LUZP2: variants seen among roughly 807,000 people sequenced by gnomAD.
The protein encoded by LUZP2 is leucine zipper protein 2.
Under a neutral mutation model 51.6 loss-of-function variants are expected in LUZP2, and 52 were observed. The observed-to-expected ratio is 1.01, with a 90% confidence interval of 0.81 to 1.27. The LOEUF is 1.27. Ranked by LOEUF, LUZP2 falls within the 50% of genes most tolerant of loss-of-function variation. The pLI, the probability that LUZP2 is intolerant of heterozygous loss-of-function variation, is 0.00. For missense variants in LUZP2, 436 were observed against 395.4 expected (o/e 1.10, Z -0.87); for synonymous variants, 154 against 137.3 (o/e 1.12, Z -0.85).
At chr11:24,631,845 A>G (rs1234091819) in intron 1 of LUZP2, among the ~76,000 whole-genome samples, 1 of 151,938 alleles carries the variant, frequency 6.6e-6, no homozygotes, top group Non-Finnish European at 1.5e-5. Flanking sequence ...ATATTTTATT[A>G]CTGATTCAAT....
intron 2 of LUZP2, among the ~76,000 whole-genome samples, chr11:24,730,622 A>G (rs906306344): frequency 2.7e-4 from 41 of 151,928 alleles, no homozygotes; most frequent in Non-Finnish European, 5.3e-4. Context: ...GGAAGAATAC[A>G]AAGAAACCTG....
At chr11:24,505,822 A>T (rs1406967029) in intron 1 of LUZP2, among the ~76,000 whole-genome samples, 1 of 151,614 alleles carries the variant, frequency 6.6e-6, no homozygotes, top group East Asian at 1.9e-4. Flanking sequence ...CTTTTAAGAG[A>T]AAAAAAAATA....
intron 9 of LUZP2, among the ~76,000 whole-genome samples, chr11:24,999,091 A>G (rs1201390882): frequency 1.3e-5 from 2 of 152,124 alleles, no homozygotes; most frequent in Admixed American, 6.6e-5. Flanking sequence ...ATCACATTTC[A>G]TTTAATGATG....
At position 24,727,785 on chromosome 11, in the gene LUZP2, C is replaced by T. The variant is rs746351571; in HGVS notation, c.63-1384C>T. On this transcript the variant is annotated intron_variant, in intron 1 of 11. Transcript: ENST00000336930. ...GAATATTGTGGTTCTTAGCAATGGGCCATTCCGATTTCCTTTTAATGAGAA... is the reference window on the plus strand; with the variant it reads ...GAATATTGTGGTTCTTAGCAATGGGTCATTCCGATTTCCTTTTAATGAGAA... Among the ~76,000 whole-genome samples the T allele has an allele frequency of 2.8e-4, 42 of 151,888 alleles. No individual in the cohort carries two copies. The Middle Eastern group carries it at 0.017, about 62-fold the overall frequency.
At chr11:24,936,437 T>C (rs1228860655) in intron 7 of LUZP2, among the ~76,000 whole-genome samples, 1 of 152,194 alleles carries the variant, frequency 6.6e-6, no homozygotes, top group Non-Finnish European at 1.5e-5. Flanking sequence ...GGCCGGCAAA[T>C]AGCTGCAATT....
intron 4 of LUZP2, among the ~76,000 whole-genome samples, chr11:24,748,231 T>A (rs1463483227): frequency 6.6e-6 from 1 of 152,076 alleles, no homozygotes; most frequent in Admixed American, 6.6e-5. Flanking sequence ...CCCACTGCTT[T>A]CTCTACCCCT....
chr11:24,796,553 A>G (rs1192296759), intron 5 of LUZP2, among the ~76,000 whole-genome samples: 3 of 145,584 alleles, frequency 2.1e-5, no homozygotes, highest in Non-Finnish European at 4.5e-5. Context: ...GGGATAGAGG[A>G]AAAAAAGAGC....
At chr11:24,843,057 A>G (rs1470522693) in intron 5 of LUZP2, among the ~76,000 whole-genome samples, 2 of 151,984 alleles carry the variant, frequency 1.3e-5, no homozygotes, top group African/African-American at 4.8e-5. Flanking sequence ...AGAGGATGTA[A>G]GTGCAAATGC....
intron 6 of LUZP2, among the ~76,000 whole-genome samples, chr11:24,909,281 G>C (rs542113202): frequency 6.6e-6 from 1 of 152,040 alleles, no homozygotes; most frequent in East Asian, 1.9e-4. Context: ...TCCAAGTTAT[G>C]TGGAAAATTT....
At chr11:24,743,605 T>G (rs1469122886) in intron 4 of LUZP2, among the ~76,000 whole-genome samples, 1 of 152,062 alleles carries the variant, frequency 6.6e-6, no homozygotes, top group Non-Finnish European at 1.5e-5. Context: ...TCTTTAGGGT[T>G]TTCAAGGTAA....
intron 2 of LUZP2, among the ~76,000 whole-genome samples, chr11:24,730,983 A>T (rs1221947763): frequency 6.6e-6 from 1 of 151,416 alleles, no homozygotes; most frequent in African/African-American, 2.4e-5. Context: ...GTGAATGATT[A>T]TTTTTTTTAC....
intron 1 of LUZP2, among the ~76,000 whole-genome samples, chr11:24,678,471 C>T (rs1219780209): frequency 1.3e-5 from 2 of 151,794 alleles, no homozygotes; most frequent in Non-Finnish European, 2.9e-5. Context: ...TTATAAGTGT[C>T]CTAAATCAAA....
rs74965171 is a variant in LUZP2, at chr11:25,045,468, A to G, written c.766-4570A>G. ...CTTAATAGTGAATGAAGCCCCTTTT[A>G]TCTTCCATCTAAAATGTCAAAGTCC... On this transcript the variant is annotated intron_variant, in intron 9 of 11. Coordinates refer to ENST00000336930, the MANE Select transcript of LUZP2 (RefSeq NM_001009909.4). Among the ~76,000 whole-genome samples the G allele has an allele frequency of 7.9e-4, 120 of 151,862 alleles. No individual in the cohort carries two copies. In the East Asian group the frequency reaches 0.019, roughly 25 times the overall value.
rs577584906 is a variant in LUZP2 at position 24,942,271 on chromosome 11, T to C, written c.522+27733T>C. On this transcript the variant is annotated intron_variant, in intron 7 of 11. Coordinates refer to ENST00000336930, the MANE Select transcript of LUZP2 (RefSeq NM_001009909.4). ...AGGGCATATGTTATTTTTTAAATTG[T>C]ATAAAAAATTGCCAATTATCCTCTA... Among the ~76,000 whole-genome samples, 110 of 152,164 alleles carry C rather than the reference T, an allele frequency of 7.2e-4. 1 individual carries two copies. Among genetic ancestry groups the C allele is most frequent in the Non-Finnish European group, 1.4e-3 (95 of 68,022 alleles).
chr11:24,656,782 C>T lies in LUZP2; in HGVS notation c.63-72387C>T, dbSNP rs181496780. 6.2e-4 allele frequency among the ~76,000 whole-genome samples: 94 copies of T among 152,294 alleles called. No homozygotes were observed. In the South Asian group the frequency reaches 1.0e-2, roughly 16 times the overall value. On this transcript the variant is annotated intron_variant, in intron 1 of 11. Transcript: ENST00000336930. ...CAGGCCAAGTCCTAAGTCCGCTTTG[C>T]GCTCCGAGCCCCTCTGGTCTCCTCC...
chr11:24,693,835 G>C (rs4372454), intron 1 of LUZP2, among the ~76,000 whole-genome samples: 27,514 of 151,792 alleles, frequency 0.18, 2,583 homozygotes, highest in East Asian at 0.32. Flanking sequence ...AGATGGAGAA[G>C]ATATAACAAT....
chr11:24,888,756 G>C (rs1486640411), intron 5 of LUZP2, among the ~76,000 whole-genome samples: 1 of 152,122 alleles, frequency 6.6e-6, no homozygotes, highest in Admixed American at 6.5e-5. Flanking sequence ...GGAGAGACCA[G>C]GTGGAGGTAA....
chr11:24,735,279 C>T (rs890909043), intron 3 of LUZP2, among the ~76,000 whole-genome samples: 39 of 151,736 alleles, frequency 2.6e-4, no homozygotes, highest in African/African-American at 8.7e-4. Context: ...ATTTACACAG[C>T]CTTGATAATA....
chr11:25,013,512 A>G (rs1051403220), intron 9 of LUZP2, among the ~76,000 whole-genome samples: 11 of 152,264 alleles, frequency 7.2e-5, no homozygotes, highest in African/African-American at 2.6e-4. Flanking sequence ...AAAATAGATA[A>G]AATGTTTGAT....
Sources: gnomAD v4.1 joint callset for allele counts (sites outside exome capture counted in the v4.1 genomes callset) on GRCh38, gnomAD v4.1.1 for gene constraint, MANE v1.5 for transcripts, NCBI Gene and HGNC (gene_info 2026-07-23, HGNC 2026-07-21) for gene names.